The following CCDC141 variants were observed in gnomAD, a reference collection of about 807,000 sequenced individuals.
CCDC141 encodes the protein coiled-coil domain containing 141, also known as coiled-coil domain-containing protein 141.
In CCDC141, 168 loss-of-function variants were observed where a neutral mutation model predicts 181.0. The observed-to-expected ratio is 0.93, with a 90% confidence interval of 0.82 to 1.05. The LOEUF (loss-of-function observed/expected upper bound fraction) is 1.05. Among genes scored for constraint, CCDC141 ranks in the 50% least tolerant of loss-of-function variants. The pLI is 0.00. For missense variants in CCDC141, 1,902 were observed against 1,788.5 expected (o/e 1.06, Z -1.14); for synonymous variants, 666 against 642.3 (o/e 1.04, Z -0.56).
At chr2:179,030,558 C>CTGT (rs2042974035) in intron 2 of CCDC141, among the ~76,000 whole-genome samples, 1 of 151,894 alleles carries the variant, frequency 6.6e-6, no homozygotes, top group Non-Finnish European at 1.5e-5. Context: ...AGACAATTCA[C>CTGT]CATTTAATTA....
chr2:178,964,416 G>A (rs150743809), intron 4 of CCDC141, among the ~76,000 whole-genome samples: 2 of 152,218 alleles, frequency 1.3e-5, no homozygotes, highest in African/African-American at 2.4e-5. Context: ...GCAGACTAAT[G>A]GTCAACCTGT....
chr2:178,938,350 T>G (rs1689372594), intron 6 of CCDC141, among the ~76,000 whole-genome samples: 1 of 152,172 alleles, frequency 6.6e-6, no homozygotes, highest in South Asian at 2.1e-4. Context: ...TTTCACTAAT[T>G]ACCCAAAAGT....
At chr2:178,930,503 A>G (rs1006434653) in intron 6 of CCDC141, among the ~76,000 whole-genome samples, 1 of 152,110 alleles carries the variant, frequency 6.6e-6, no homozygotes, top group African/African-American at 2.4e-5. Context: ...AGCCAAAACA[A>G]TCATGATAAA....
chr2:178,967,999 C>T (rs1401535367), intron 4 of CCDC141, among the ~76,000 whole-genome samples: 1 of 152,164 alleles, frequency 6.6e-6, no homozygotes, highest in Non-Finnish European at 1.5e-5. Flanking sequence ...AAGGGCATTA[C>T]ATAATGGTAA....
intron 6 of CCDC141, among the ~76,000 whole-genome samples, chr2:178,921,240 C>T (rs1171284811): frequency 1.3e-5 from 2 of 152,198 alleles, no homozygotes; most frequent in African/African-American, 4.8e-5. Flanking sequence ...GATGTTCTTT[C>T]ATAAAGCACT....
intron 17 of CCDC141, among the ~76,000 whole-genome samples, chr2:178,861,998 T>C (rs1293859734): frequency 6.6e-6 from 1 of 152,228 alleles, no homozygotes; most frequent in Non-Finnish European, 1.5e-5. Flanking sequence ...CATGGTCATT[T>C]TGTCAGTGGC....
intron 18 of CCDC141, 30 bp downstream of exon 18, chr2:178,856,227 G>A (rs540638879): frequency 3.8e-5 from 59 of 1,561,274 alleles, no homozygotes; most frequent in Admixed American, 2.3e-4. Flanking sequence ...ATACACATGC[G>A]CACATATACA....
At chr2:178,951,916 G>A (rs954732130) in intron 5 of CCDC141, among the ~76,000 whole-genome samples, 5 of 152,158 alleles carry the variant, frequency 3.3e-5, no homozygotes, top group South Asian at 2.1e-4. Context: ...CTTACCAACC[G>A]ACTTGGGGGC....
rs1179864754 is a variant in CCDC141, at chr2:178,854,052, A to G, written c.3061-428T>C. 1.3e-5 allele frequency among the ~76,000 whole-genome samples: 2 copies of G among 152,258 alleles called. 1 individual carries two copies. The highest frequency in any genetic ancestry group is 6.3e-3 in the Middle Eastern group (2 of 316). ...CAATCCAGCATAAAGAATTGATATC[A>G]TTAATCATACACTGCTAAAGTATTG... On this transcript the variant is annotated intron_variant, in intron 19 of 23. Transcript: ENST00000443758.
At chr2:179,014,618 C>T (rs1334978525) in intron 2 of CCDC141, among the ~76,000 whole-genome samples, 1 of 151,834 alleles carries the variant, frequency 6.6e-6, no homozygotes, top group Non-Finnish European at 1.5e-5. Flanking sequence ...TAAGGACATG[C>T]ATACACAATT....
At chr2:178,853,664 C>T (rs2154367391) in intron 19 of CCDC141, 40 bp from the exon 20 acceptor site, 1 of 1,543,282 alleles carries the variant, frequency 6.5e-7, no homozygotes, top group Non-Finnish European at 8.8e-7. Flanking sequence ...AAAGAAATAC[C>T]ATCCTTCTAA....
At chr2:179,042,788 C>G (rs1283303597) in intron 2 of CCDC141, among the ~76,000 whole-genome samples, 1 of 152,006 alleles carries the variant, frequency 6.6e-6, no homozygotes, top group Non-Finnish European at 1.5e-5. Context: ...AGTTAACAAC[C>G]TAACATCACA....
rs1405469140 is a variant in CCDC141 at position 178,868,078 on chromosome 2, T to C, written c.2522A>G (p.His841Arg). Residue 841 changes from histidine (H) to arginine (R), a missense_variant, in exon 16 of 24, where the codon CAC becomes CGC. By Grantham distance (29) the His-to-Arg change is conservative. Transcript: ENST00000443758. ...QEKQARVDHL[H>R]RLALSLGVDI... is the part of the protein sequence containing the mutation. Reference sequence around the variant, plus strand: ...GACTCCTAAGGAAAGGGCCAGTCTGTGGAGATGGTCTACACGGGCTTGCTT... The same window carrying C: ...GACTCCTAAGGAAAGGGCCAGTCTGCGGAGATGGTCTACACGGGCTTGCTT... The C allele has an allele frequency of 1.2e-6, 2 of 1,614,034 alleles. No individual in the cohort carries two copies. Among genetic ancestry groups the C allele is most frequent in the Non-Finnish European group, 8.5e-7 (1 of 1,179,918 alleles).
chr2:179,049,269 G>T (rs892978299), intron 1 of CCDC141, among the ~76,000 whole-genome samples: 2 of 152,154 alleles, frequency 1.3e-5, no homozygotes, highest in East Asian at 1.9e-4. Context: ...ACCTTTCCTT[G>T]CATGGTCTTC....
At chr2:178,982,881 C>G (rs907178174) in intron 2 of CCDC141, among the ~76,000 whole-genome samples, 1 of 152,218 alleles carries the variant, frequency 6.6e-6, no homozygotes, top group African/African-American at 2.4e-5. Context: ...GGCAGCCAGG[C>G]TGGGGGAGGG....
intron 2 of CCDC141, among the ~76,000 whole-genome samples, chr2:179,044,792 G>A (rs2043433107): frequency 6.6e-6 from 1 of 152,162 alleles, no homozygotes; most frequent in Non-Finnish European, 1.5e-5. Context: ...CTTCAAGTAA[G>A]TATTACGTTT....
At chr2:178,976,654 C>A (rs1468249508) in intron 3 of CCDC141, among the ~76,000 whole-genome samples, 1 of 152,154 alleles carries the variant, frequency 6.6e-6, no homozygotes, top group Non-Finnish European at 1.5e-5. Flanking sequence ...TAATAATGAT[C>A]AGCCATGCAA....
chr2:178,867,029 A>C (rs1016958416), intron 16 of CCDC141, among the ~76,000 whole-genome samples: 5 of 152,324 alleles, frequency 3.3e-5, no homozygotes, highest in Middle Eastern at 6.8e-3. Flanking sequence ...TTAAAGAATC[A>C]ATGTCCAGTG....
At chr2:178,967,327 G>C (rs537346762) in intron 4 of CCDC141, among the ~76,000 whole-genome samples, 1 of 152,206 alleles carries the variant, frequency 6.6e-6, no homozygotes, top group Non-Finnish European at 1.5e-5. Flanking sequence ...TGAAACGAAG[G>C]AAAAAATGTT....
Sources: gnomAD v4.1 joint callset for allele counts (sites outside exome capture counted in the v4.1 genomes callset) on GRCh38, gnomAD v4.1.1 for gene constraint, MANE v1.5 for transcripts, NCBI Gene and HGNC (gene_info 2026-07-23, HGNC 2026-07-21) for gene names.